Variants in SNAP25 observed in about 807,000 individuals in gnomAD.
The protein encoded by SNAP25 is synaptosomal-associated protein 25.
In SNAP25, 3 loss-of-function variants were observed where a neutral mutation model predicts 28.7. The ratio of observed to expected loss-of-function variants is 0.10; its 90% CI spans 0.05 to 0.27. The LOEUF (loss-of-function observed/expected upper bound fraction) is 0.27, where lower values mean the gene tolerates loss of function less well. Ranked by LOEUF, SNAP25 falls within the 10% of genes least tolerant of loss-of-function variation. SNAP25 has a pLI of 1.00. For missense variants in SNAP25, 117 were observed against 278.7 expected (o/e 0.42, Z 4.13); for synonymous variants, 61 against 88.1 (o/e 0.69, Z 1.72).
At chr20:10,234,434 T>C (rs2050833415) in intron 1 of SNAP25, among the ~76,000 whole-genome samples, 1 of 152,232 alleles carries the variant, frequency 6.6e-6, no homozygotes, top group South Asian at 2.1e-4. Context: ...TTATTTTATT[T>C]GGCTAGTACT....
chr20:10,238,675 C>T (rs1367183916), intron 1 of SNAP25, among the ~76,000 whole-genome samples: 1 of 151,950 alleles, frequency 6.6e-6, no homozygotes, highest in East Asian at 1.9e-4. Context: ...TTTGAGAGGC[C>T]GAGGCAGGTG....
At position 10,238,674 on chromosome 20, in the gene SNAP25, C is replaced by A. The variant is rs181503332; in HGVS notation, c.-64+19697C>A. Among the ~76,000 whole-genome samples, 419 of 152,194 alleles carry A rather than the reference C, an allele frequency of 2.8e-3. 2 individuals carry two copies. The highest frequency in any genetic ancestry group is 4.1e-3 in the Non-Finnish European group (282 of 68,004). ...CCTGTAATCCCAGCACTTTGAGAGG[C>A]CGAGGCAGGTGGATCACATGAGGTC... On this transcript the variant is annotated intron_variant, in intron 1 of 7. Transcript: ENST00000254976.
intron 1 of SNAP25, among the ~76,000 whole-genome samples, chr20:10,245,467 G>C (rs1374786776): frequency 6.6e-6 from 1 of 152,182 alleles, no homozygotes; most frequent in East Asian, 1.9e-4. Context: ...TAAGGCAAAG[G>C]AAGTTTCTGA....
chr20:10,260,724 A>AACAC (rs368209820), intron 1 of SNAP25, among the ~76,000 whole-genome samples: 11 of 78,412 alleles, frequency 1.4e-4, no homozygotes, highest in African/African-American at 4.2e-4. Context: ...CACACACACA[A>AACAC]ACACACACAC....
At chr20:10,249,790 G>A (rs2051853316) in intron 1 of SNAP25, among the ~76,000 whole-genome samples, 1 of 152,154 alleles carries the variant, frequency 6.6e-6, no homozygotes, top group African/African-American at 2.4e-5. Flanking sequence ...AGAAGCCCTA[G>A]TCTAACAAGA....
intron 1 of SNAP25, among the ~76,000 whole-genome samples, chr20:10,234,704 G>A (rs996669531): frequency 1.3e-5 from 2 of 152,140 alleles, no homozygotes; most frequent in African/African-American, 4.8e-5. Context: ...CTTGAGTTAT[G>A]TCAGTATTTG....
At chr20:10,268,089 A>C (rs1382904014) in intron 1 of SNAP25, among the ~76,000 whole-genome samples, 2 of 152,212 alleles carry the variant, frequency 1.3e-5, no homozygotes, top group Non-Finnish European at 2.9e-5. Flanking sequence ...CACTTAAAAT[A>C]GTGCCCAACA....
intron 1 of SNAP25, among the ~76,000 whole-genome samples, chr20:10,258,002 A>G (rs2063350629): frequency 6.6e-6 from 1 of 152,238 alleles, no homozygotes; most frequent in African/African-American, 2.4e-5. Context: ...ACTTGGAAAT[A>G]AAGCAAAATG....
chr20:10,243,724 C>T (rs973369736), intron 1 of SNAP25, among the ~76,000 whole-genome samples: 2 of 152,184 alleles, frequency 1.3e-5, no homozygotes, highest in African/African-American at 4.8e-5. Flanking sequence ...TATGACATTA[C>T]TGGTAATATT....
intron 1 of SNAP25, among the ~76,000 whole-genome samples, chr20:10,230,662 C>T (rs958115624): frequency 6.6e-6 from 1 of 152,150 alleles, no homozygotes; most frequent in Non-Finnish European, 1.5e-5. Context: ...CCCTAGAGAT[C>T]TTTGTTGTTC....
At chr20:10,271,435 G>T (rs894708223) in intron 1 of SNAP25, among the ~76,000 whole-genome samples, 1 of 152,194 alleles carries the variant, frequency 6.6e-6, no homozygotes, top group Non-Finnish European at 1.5e-5. Context: ...CTGTGTGTTT[G>T]AGATCCACCA....
chr20:10,289,497 A>G (rs2063952880), intron 4 of SNAP25, among the ~76,000 whole-genome samples: 1 of 151,964 alleles, frequency 6.6e-6, no homozygotes, highest in African/African-American at 2.4e-5. Flanking sequence ...GCTATCTTAA[A>G]AGGTTCATGG....
intron 7 of SNAP25, 117 bp downstream of exon 7, chr20:10,299,529 T>C (rs2123160537): frequency 2.0e-6 from 2 of 1,007,946 alleles, no homozygotes; most frequent in Non-Finnish European, 2.8e-6. Flanking sequence ...GGCGCACTGA[T>C]AGCTGGAAAT....
intron 1 of SNAP25, among the ~76,000 whole-genome samples, chr20:10,272,235 G>A (rs1004093950): frequency 1.3e-5 from 2 of 152,182 alleles, no homozygotes; most frequent in African/African-American, 4.8e-5. Flanking sequence ...ATGTTGGCCA[G>A]AACTTTTCTG....
At chr20:10,300,611 A>T (rs1220667139) in intron 7 of SNAP25, among the ~76,000 whole-genome samples, 1 of 152,232 alleles carries the variant, frequency 6.6e-6, no homozygotes, top group Non-Finnish European at 1.5e-5. Context: ...GTATGCAAGC[A>T]ACCTCCAATG....
In SNAP25 at chr20:10,293,391, A is replaced by C; in HGVS notation, c.281+113A>C. 2.7e-6 allele frequency: 2 copies of C among 738,130 alleles called. No individual in the cohort carries two copies. Among genetic ancestry groups the C allele is most frequent in the Non-Finnish European group, 4.8e-6 (2 of 420,688 alleles). 45.7% of individuals were successfully genotyped at this position (738,130 alleles called of 1,614,324 possible). A position where few individuals can be genotyped will look rare whatever the true frequency, so the allele number is the denominator to read the frequency against. On this transcript the variant is annotated intron_variant, in intron 5 of 7. Coordinates refer to ENST00000254976, the MANE Select transcript of SNAP25 (RefSeq NM_130811.4). The surrounding 1 kb of genome is among the most constrained non-coding windows in gnomAD (Gnocchi z 5.6). ...AGGATGAGCATGTGGCATGCAGAACAGATCAATACCGTCTCCAATGCATTC... is the reference window on the plus strand; with the variant it reads ...AGGATGAGCATGTGGCATGCAGAACCGATCAATACCGTCTCCAATGCATTC...
At chr20:10,280,157 T>A (rs1037621319) in intron 3 of SNAP25, among the ~76,000 whole-genome samples, 2 of 152,186 alleles carry the variant, frequency 1.3e-5, no homozygotes, top group Admixed American at 6.5e-5. Context: ...TTGTGAAGTC[T>A]CCCTAAGGCA....
At chr20:10,244,686 A>G (rs2063095270) in intron 1 of SNAP25, among the ~76,000 whole-genome samples, 1 of 151,894 alleles carries the variant, frequency 6.6e-6, no homozygotes, top group Admixed American at 6.6e-5. Context: ...GAACCCAGTG[A>G]GACATAACAT....
At chr20:10,224,335 A>G (rs1344303533) in intron 1 of SNAP25, among the ~76,000 whole-genome samples, 1 of 125,586 alleles carries the variant, frequency 8.0e-6, no homozygotes, top group Admixed American at 1.0e-4. Flanking sequence ...CCTGAAGGTA[A>G]GGATGCTGGT....
Sources: allele counts gnomAD v4.1 joint callset (sites outside exome capture counted in the v4.1 genomes callset), GRCh38; gene constraint gnomAD v4.1.1; non-coding constraint Gnocchi (gnomAD v3.1); transcripts MANE v1.5; gene names NCBI Gene and HGNC (gene_info 2026-07-23, HGNC 2026-07-21).